CEMIP2: variants seen among roughly 807,000 people sequenced by gnomAD.
CEMIP2 encodes cell migration inducing hyaluronidase 2.
In CEMIP2, 79 loss-of-function variants were observed where a neutral mutation model predicts 146.9. The ratio of observed to expected loss-of-function variants is 0.54; its 90% CI spans 0.45 to 0.65. The LOEUF is 0.65. CEMIP2 is among the 30% of genes least tolerant of loss of function. CEMIP2 has a pLI of 0.00. For synonymous variants in CEMIP2, 601 were observed against 606.3 expected, an observed-to-expected ratio of 0.99 and a Z score of 0.13; for missense variants, 1,596 against 1,696.2, an observed-to-expected ratio of 0.94 and a Z score of 1.04.
At chr9:71,699,291 T>G in intron 19 of CEMIP2, 2 of 307,692 alleles carry the variant, frequency 6.5e-6, no homozygotes, top group Non-Finnish European at 1.4e-5. Context: ...TGTTTAAGTC[T>G]AAACAAAAAT....
intron 10 of CEMIP2, among the ~76,000 whole-genome samples, chr9:71,728,817 G>T (rs867157958): frequency 5.8e-4 from 84 of 145,974 alleles, no homozygotes; most frequent in African/African-American, 1.9e-3. Context: ...TGGGGTTTTT[G>T]TGTGTGTGTG....
intron 16 of CEMIP2, among the ~76,000 whole-genome samples, chr9:71,710,669 C>T (rs1011119379): frequency 2.6e-5 from 4 of 152,152 alleles, no homozygotes; most frequent in African/African-American, 9.7e-5. Flanking sequence ...ATGCCTATGC[C>T]AGTGATCACT....
At chr9:71,760,864 C>T (rs1047066522) in intron 1 of CEMIP2, among the ~76,000 whole-genome samples, 3 of 152,214 alleles carry the variant, frequency 2.0e-5, no homozygotes, top group Non-Finnish European at 2.9e-5. Flanking sequence ...GGTCGTTGTA[C>T]CTACCAGTCA....
At position 71,734,875 on chromosome 9, in the gene CEMIP2, T is replaced by C. The variant is rs771630935; in HGVS notation, c.1324A>G (p.Met442Val). 6.8e-6 allele frequency: 11 copies of C among 1,613,948 alleles called. No individual in the cohort carries two copies. The highest frequency in any genetic ancestry group is 1.7e-5 in the Admixed American group (1 of 59,996). The change falls in exon 6 of 24, where the codon ATG (methionine) becomes GTG (valine). Residue 442 changes from methionine (M) to valine (V), a missense_variant. Coordinates refer to ENST00000377044, the MANE Select transcript of CEMIP2 (RefSeq NM_013390.3). ...AGAGTGAACTCCTCTGCTTGGTACA[T>C]GGAATAGTCTGTGCTTGCGACCACA... is the stretch of plus-strand genomic sequence containing the variant. The part of the protein sequence containing the change: ...QIVVASTDYS[M>V]YQAEEFTLLP...
chr9:71,736,957 C>A (rs1823777347), intron 5 of CEMIP2, among the ~76,000 whole-genome samples: 1 of 151,922 alleles, frequency 6.6e-6, no homozygotes, highest in Admixed American at 6.6e-5. Context: ...GGGAGGATCA[C>A]TGAGTCCAGG....
intron 10 of CEMIP2, among the ~76,000 whole-genome samples, chr9:71,728,556 C>A (rs1184703067): frequency 1.3e-5 from 2 of 151,088 alleles, no homozygotes; most frequent in Non-Finnish European, 2.9e-5. Context: ...ATAATAAATA[C>A]AAATTTCTCC....
chr9:71,714,301 T>C (rs1036913172), intron 15 of CEMIP2, among the ~76,000 whole-genome samples: 1 of 152,246 alleles, frequency 6.6e-6, no homozygotes, highest in Admixed American at 6.5e-5. Context: ...AACTGAGATA[T>C]GAATTATTAG....
intron 4 of CEMIP2, among the ~76,000 whole-genome samples, chr9:71,741,779 C>T (rs1003634841): frequency 1.3e-5 from 2 of 151,464 alleles, no homozygotes; most frequent in East Asian, 1.9e-4. Context: ...GCTGGGATTA[C>T]GGGTGCCCAC....
rs1201787711 is a variant in CEMIP2, at chr9:71,685,253, T to G, written c.4096A>C (p.Thr1366Pro). ...TCCAGGTCTCTTCTGCGGACAGTGG[T>G]GGCTCTGGGACAACCATATTCGTCC... Reference protein sequence around the residue: ...QLDEYGCPRATTVRRRDLELL... With the variant: ...QLDEYGCPRAPTVRRRDLELL... The change falls in exon 24 of 24, where the codon ACC becomes CCC. Residue 1366 changes from threonine (T) to proline (P), a missense_variant. Physicochemically the swap from Thr to Pro is conservative, Grantham distance 38. Coordinates refer to ENST00000377044, the MANE Select transcript of CEMIP2 (RefSeq NM_013390.3). 6.2e-7 allele frequency: 1 copy of G among 1,613,610 alleles called. No homozygotes were observed. The highest frequency in any genetic ancestry group is 8.5e-7 in the Non-Finnish European group (1 of 1,179,864).
Position 71,685,310 on chromosome 9 carries a change from C to A in CEMIP2, c.4039G>T (p.Gly1347Trp). ...AAAGGTATGAATTGTTCAAGCACCC[C>A]AAGGCCCTGTCCAGCAGGACTGGTA... ...LFTSPAGQGL[G>W]VLEQFIPLQL... The change falls in exon 24 of 24, where the codon GGG becomes TGG. Residue 1347 changes from glycine (G) to tryptophan (W), a missense_variant. Physicochemically the swap from Gly to Trp is radical, Grantham distance 184. Coordinates refer to ENST00000377044, the MANE Select transcript of CEMIP2 (RefSeq NM_013390.3). 1 of 1,608,136 alleles carries A rather than the reference C, an allele frequency of 6.2e-7. No individual in the cohort carries two copies. Among genetic ancestry groups the A allele is most frequent in the Non-Finnish European group, 8.5e-7 (1 of 1,179,504 alleles).
At position 71,683,519 on chromosome 9, in the gene CEMIP2, A is replaced by AC. The variant is rs1821961843; in HGVS notation, c.*1677_*1678insG. On this transcript the variant is annotated 3_prime_UTR_variant, in exon 24 of 24. Coordinates refer to ENST00000377044, the MANE Select transcript of CEMIP2 (RefSeq NM_013390.3). ...ACACGTAAAGATATTTAAGTCATAA[A>AC]ACACACACACACACACACACACACA... 1 of 134,574 alleles carries AC rather than the reference A, an allele frequency of 7.4e-6. No homozygotes were observed. Among genetic ancestry groups the AC allele is most frequent in the African/African-American group, 2.9e-5 (1 of 35,070 alleles). The allele number at this position is 134,574 out of a possible 1,614,324, so 8.3% of individuals were successfully genotyped here. A position where few individuals can be genotyped will look rare whatever the true frequency, so the allele number is the denominator to read the frequency against.
At chr9:71,730,330 A>G in intron 8 of CEMIP2, 77 bp from the exon 9 acceptor site, 1 of 1,410,386 alleles carries the variant, frequency 7.1e-7, no homozygotes, top group East Asian at 2.4e-5. Flanking sequence ...TATCCAGTGT[A>G]GCATGTTCAG....
chr9:71,684,945 G>T lies in CEMIP2; in HGVS notation c.*252C>A, dbSNP rs1822009110. On this transcript the variant is annotated 3_prime_UTR_variant, in exon 24 of 24. Transcript: ENST00000377044. ...TCATTACAAAATACGGGGGTGGAAA[G>T]TGAGGAATAAGAGATCTGCTCTCTG... 3 of 415,098 alleles carry T rather than the reference G, an allele frequency of 7.2e-6. No individual in the cohort carries two copies. The highest frequency in any genetic ancestry group is 4.2e-5 in the Admixed American group (1 of 23,894). 25.7% of individuals were successfully genotyped at this position (415,098 alleles called of 1,614,324 possible).
In CEMIP2 at chr9:71,685,758, G is replaced by A; in HGVS notation, c.3940C>T (p.His1314Tyr). The A allele has an allele frequency of 6.2e-7, 1 of 1,613,186 alleles. No homozygotes were observed. The highest frequency in any genetic ancestry group is 8.5e-7 in the Non-Finnish European group (1 of 1,179,200). The change falls in exon 23 of 24, where the codon CAT becomes TAT. Residue 1314 changes from histidine to tyrosine, a missense_variant. Transcript: ENST00000377044. ...AAATACAAACCTTTGTCATAAAGAT[G>A]AGCTGGTTTGGCTAATCCCAGAGGT... ...LVPLGLAKPA[H>Y]LYDKGSTIFL...
chr9:71,728,353 G>A (rs537298396), intron 10 of CEMIP2, among the ~76,000 whole-genome samples: 129 of 123,540 alleles, frequency 1.0e-3, no homozygotes, highest in African/African-American at 4.0e-3. Context: ...ATGATGGCAT[G>A]TGCCTGTAGT....
At chr9:71,708,927 T>C (rs937414909) in intron 17 of CEMIP2, among the ~76,000 whole-genome samples, 1 of 152,166 alleles carries the variant, frequency 6.6e-6, no homozygotes, top group Non-Finnish European at 1.5e-5. Flanking sequence ...ATAGCTGTAG[T>C]GTGGCAAGAA....
chr9:71,715,230 G>C, intron 14 of CEMIP2, 141 bp from the exon 15 acceptor site: 114 of 396,320 alleles, frequency 2.9e-4, no homozygotes, highest in Middle Eastern at 7.8e-4. Flanking sequence ...CAAGTCTTCA[G>C]AAACTGCTTT....
At chr9:71,714,074 A>G (rs1822981174) in intron 15 of CEMIP2, among the ~76,000 whole-genome samples, 1 of 152,098 alleles carries the variant, frequency 6.6e-6, no homozygotes, top group African/African-American at 2.4e-5. Flanking sequence ...CTCTCCCCCG[A>G]GTCCTCACTC....
At chr9:71,739,298 C>T (rs146136933) in intron 5 of CEMIP2, among the ~76,000 whole-genome samples, 10,252 of 122,962 alleles carry the variant, frequency 0.083, 513 homozygotes, top group South Asian at 0.22. Flanking sequence ...ACCTGGGAGG[C>T]GGAGGTTGCA....
Sources: gnomAD v4.1 joint callset for allele counts (sites outside exome capture counted in the v4.1 genomes callset) on GRCh38, gnomAD v4.1.1 for gene constraint, MANE v1.5 for transcripts, NCBI Gene and HGNC (gene_info 2026-07-23, HGNC 2026-07-21) for gene names.